Variants in CNOT4 observed in about 807,000 individuals in gnomAD.
CNOT4 encodes CCR4-associated factor 4.
A neutral mutation model predicts 73.8 loss-of-function variants in CNOT4; 8 were observed. That is an observed-to-expected ratio of 0.11 (90% CI 0.06 to 0.20). CNOT4 has a LOEUF of 0.20. Among genes scored for constraint, CNOT4 ranks in the 10% least tolerant of loss-of-function variants. CNOT4 has a pLI of 1.00. For missense variants in CNOT4, 564 were observed against 883.4 expected, an observed-to-expected ratio of 0.64 and a Z score of 4.58; for synonymous variants, 293 against 321.1, an observed-to-expected ratio of 0.91 and a Z score of 0.94.
intron 2 of CNOT4, among the ~76,000 whole-genome samples, chr7:135,426,903 A>C (rs1258764751): frequency 1.3e-5 from 2 of 151,700 alleles, no homozygotes; most frequent in African/African-American, 2.4e-5. Context: ...AGCCTGGGGA[A>C]CAAGAATGAA....
At chr7:135,422,878 T>G (rs534192371) in intron 2 of CNOT4, among the ~76,000 whole-genome samples, 2 of 152,312 alleles carry the variant, frequency 1.3e-5, no homozygotes, top group East Asian at 3.9e-4. Flanking sequence ...TGTGTGATCT[T>G]TTCTTTCTTA....
At chr7:135,418,040 C>G (rs1797967281) in intron 3 of CNOT4, among the ~76,000 whole-genome samples, 1 of 152,158 alleles carries the variant, frequency 6.6e-6, no homozygotes, top group Admixed American at 6.6e-5. Flanking sequence ...TGCTCAGTGT[C>G]TTAAATAATG....
intron 2 of CNOT4, among the ~76,000 whole-genome samples, chr7:135,424,040 AACACACACACACAC>A (rs3138785): frequency 0.091 from 13,164 of 144,228 alleles, 639 homozygotes; most frequent in East Asian, 0.15. Flanking sequence ...AAACAAACAA[AACACACACACACAC>A]ACACACACAC....
At chr7:135,446,006 T>C (rs985952040) in intron 1 of CNOT4, among the ~76,000 whole-genome samples, 1 of 152,094 alleles carries the variant, frequency 6.6e-6, no homozygotes, top group African/African-American at 2.4e-5. Context: ...CTCAGCCACC[T>C]GAGTAGCTGG....
chr7:135,382,165 A>G (rs1795878930), intron 10 of CNOT4, among the ~76,000 whole-genome samples: 2 of 152,208 alleles, frequency 1.3e-5, no homozygotes, highest in African/African-American at 4.8e-5. Flanking sequence ...TCTCAGTTCT[A>G]GGTACCTAAA....
chr7:135,439,166 AAAGC>A (rs1799330863), intron 1 of CNOT4, among the ~76,000 whole-genome samples: 3 of 152,328 alleles, frequency 2.0e-5, no homozygotes, highest in Admixed American at 6.5e-5. Flanking sequence ...ATCTTAGGCT[AAAGC>A]CACTGTTAGA....
intron 10 of CNOT4, among the ~76,000 whole-genome samples, chr7:135,380,598 A>G (rs1795790105): frequency 6.6e-6 from 1 of 152,212 alleles, no homozygotes; most frequent in Admixed American, 6.5e-5. Context: ...CAATGAATTC[A>G]CAGTTGTAAG....
chr7:135,473,609 T>C (rs757233384), intron 1 of CNOT4, among the ~76,000 whole-genome samples: 39 of 152,078 alleles, frequency 2.6e-4, no homozygotes, highest in African/African-American at 8.9e-4. Flanking sequence ...CAGCCAGGCA[T>C]GACGGTGCAC....
intron 1 of CNOT4, among the ~76,000 whole-genome samples, chr7:135,442,084 T>C (rs1455486875): frequency 6.6e-6 from 1 of 152,196 alleles, no homozygotes; most frequent in African/African-American, 2.4e-5. Flanking sequence ...TGATCTTGGA[T>C]AAGAAATCCA....
chr7:135,467,986 C>T (rs774301620), intron 1 of CNOT4, among the ~76,000 whole-genome samples: 5 of 152,074 alleles, frequency 3.3e-5, no homozygotes, highest in South Asian at 2.1e-4. Flanking sequence ...GAGCTCGAGA[C>T]GGGCGGCTCA....
At chr7:135,486,549 T>G (rs751486009) in intron 1 of CNOT4, among the ~76,000 whole-genome samples, 2 of 152,230 alleles carry the variant, frequency 1.3e-5, no homozygotes, top group Non-Finnish European at 2.9e-5. Flanking sequence ...AATTTTGCTC[T>G]TGGGCGTTTA....
chr7:135,389,450 T>C (rs1196779333), intron 10 of CNOT4, among the ~76,000 whole-genome samples: 1 of 152,108 alleles, frequency 6.6e-6, no homozygotes, highest in East Asian at 1.9e-4. Context: ...TAGTAAAATG[T>C]TAACAGTACA....
At chr7:135,458,130 G>T (rs1357786026) in intron 1 of CNOT4, among the ~76,000 whole-genome samples, 2 of 152,024 alleles carry the variant, frequency 1.3e-5, no homozygotes, top group African/African-American at 4.8e-5. Flanking sequence ...AGAAGATATT[G>T]TAGATTCAGT....
chr7:135,384,545 A>C, intron 10 of CNOT4: 1 of 652,010 alleles, frequency 1.5e-6, no homozygotes, highest in Non-Finnish European at 2.8e-6. Flanking sequence ...TTGGCCTCCC[A>C]AAGTGTTGGG....
chr7:135,503,301 C>CA (rs1309912826), intron 1 of CNOT4, among the ~76,000 whole-genome samples: 2 of 151,964 alleles, frequency 1.3e-5, no homozygotes, highest in East Asian at 3.9e-4. Context: ...CCCATTTCCA[C>CA]AAAAAATAAG....
intron 1 of CNOT4, among the ~76,000 whole-genome samples, chr7:135,494,734 G>A (rs2129487843): frequency 6.6e-6 from 1 of 152,138 alleles, no homozygotes; most frequent in African/African-American, 2.4e-5. Context: ...GTAAAACAGT[G>A]CAAATATTAG....
chr7:135,472,055 C>A (rs898374045), intron 1 of CNOT4, among the ~76,000 whole-genome samples: 1 of 151,946 alleles, frequency 6.6e-6, no homozygotes, highest in South Asian at 2.1e-4. Context: ...TGCCTGTAGC[C>A]CCAGCTACTT....
intron 3 of CNOT4, among the ~76,000 whole-genome samples, chr7:135,419,620 A>G (rs185569338): frequency 4.6e-5 from 7 of 152,338 alleles, no homozygotes; most frequent in South Asian, 4.1e-4. Context: ...CTAGTAGAGT[A>G]TATTTTTAAG....
intron 1 of CNOT4, among the ~76,000 whole-genome samples, chr7:135,440,688 G>A (rs1366195551): frequency 6.6e-6 from 1 of 152,128 alleles, no homozygotes; most frequent in Non-Finnish European, 1.5e-5. Context: ...TGGAGAGGCC[G>A]AGGCAGGTGA....
Sources: gnomAD v4.1 joint callset for allele counts (sites outside exome capture counted in the v4.1 genomes callset) on GRCh38, gnomAD v4.1.1 for gene constraint, MANE v1.5 for transcripts, NCBI Gene and HGNC (gene_info 2026-07-23, HGNC 2026-07-21) for gene names.